TMEM232: variants seen among roughly 807,000 people sequenced by gnomAD.
TMEM232 encodes the protein transmembrane protein 232.
Under a neutral mutation model 78.8 loss-of-function variants are expected in TMEM232, and 80 were observed. The observed-to-expected ratio is 1.01, with a 90% CI of 0.85 to 1.22. TMEM232 has a LOEUF of 1.22. TMEM232 is among the 50% of genes most tolerant of loss of function. The probability of loss-of-function intolerance (pLI) is 0.00; values close to 1 mark genes in which losing one functional copy is unlikely to be tolerated. For synonymous variants in TMEM232, 297 were observed against 254.3 expected (o/e 1.17, Z -1.60); for missense variants, 881 against 742.2 (o/e 1.19, Z -2.17).
At chr5:110,736,015 G>C (rs921402512) in intron 1 of TMEM232, among the ~76,000 whole-genome samples, 1 of 152,136 alleles carries the variant, frequency 6.6e-6, no homozygotes, top group African/African-American at 2.4e-5. Flanking sequence ...GAAACTATGA[G>C]ATATTAAATG....
intron 11 of TMEM232, among the ~76,000 whole-genome samples, chr5:110,537,176 T>C (rs747278677): frequency 2.0e-5 from 3 of 152,074 alleles, no homozygotes; most frequent in Non-Finnish European, 2.9e-5. Flanking sequence ...TTCCACCTGA[T>C]TCCACTATGG....
chr5:110,703,722 G>C (rs148136025), intron 1 of TMEM232, among the ~76,000 whole-genome samples: 2 of 152,078 alleles, frequency 1.3e-5, no homozygotes, highest in Non-Finnish European at 2.9e-5. Context: ...AAATTACACA[G>C]TGATAGGAAA....
intron 8 of TMEM232, among the ~76,000 whole-genome samples, chr5:110,617,721 C>T (rs112146595): frequency 4.6e-5 from 7 of 151,966 alleles, no homozygotes; most frequent in East Asian, 1.9e-4. Context: ...TTTGGGAGGC[C>T]GAGGTAGGCA....
intron 12 of TMEM232, among the ~76,000 whole-genome samples, chr5:110,459,033 T>A (rs187924585): frequency 1.1e-4 from 16 of 152,296 alleles, no homozygotes; most frequent in Non-Finnish European, 1.8e-4. Context: ...GGGGATAACC[T>A]TCAGGCATCT....
intron 8 of TMEM232, among the ~76,000 whole-genome samples, chr5:110,616,126 C>T (rs561278598): frequency 6.6e-6 from 1 of 151,310 alleles, no homozygotes; most frequent in South Asian, 2.1e-4. Context: ...CAATCCTGAG[C>T]AAAAAGAAAA....
chr5:110,522,427 A>T (rs2149504127), intron 12 of TMEM232, among the ~76,000 whole-genome samples: 1 of 152,292 alleles, frequency 6.6e-6, no homozygotes, highest in South Asian at 2.1e-4. Flanking sequence ...TTGTCTAATT[A>T]TTCAAGCTAG....
chr5:110,478,756 A>G (rs1477851867), intron 12 of TMEM232, among the ~76,000 whole-genome samples: 5 of 151,816 alleles, frequency 3.3e-5, no homozygotes, highest in Admixed American at 6.6e-5. Context: ...TGAGCTTTTA[A>G]GGTGCCAATG....
chr5:110,677,808 A>C (rs945446802), intron 1 of TMEM232, among the ~76,000 whole-genome samples: 1 of 152,148 alleles, frequency 6.6e-6, no homozygotes, highest in African/African-American at 2.4e-5. Context: ...TATTTGAAAA[A>C]AATTTCTTCT....
chr5:110,703,143 A>AGTTAAAC, intron 1 of TMEM232, among the ~76,000 whole-genome samples: 1 of 152,122 alleles, frequency 6.6e-6, no homozygotes, highest in East Asian at 1.9e-4. Flanking sequence ...TGAAACTACA[A>AGTTAAAC]AGGTAGCTAT....
At chr5:110,612,043 T>C (rs999749026) in intron 8 of TMEM232, among the ~76,000 whole-genome samples, 1 of 152,158 alleles carries the variant, frequency 6.6e-6, no homozygotes, top group African/African-American at 2.4e-5. Flanking sequence ...GAAAAATTAG[T>C]TCAAATATGA....
rs1236791296 is a variant in TMEM232 at position 110,493,078 on chromosome 5, AAAC to A, written c.1703+35507_1703+35509del. Among the ~76,000 whole-genome samples, 5 of 152,094 alleles carry A rather than the reference AAAC, an allele frequency of 3.3e-5. No individual in the cohort carries two copies. The South Asian group carries it at 8.3e-4, about 25-fold the overall frequency. ...TAAATTTTTTATAATGACAATTTGT[AAAC>A]AACAACAACAAAACACCCATACAAG... On this transcript the variant is annotated intron_variant, in intron 12 of 13. Coordinates refer to ENST00000455884, the MANE Select transcript of TMEM232 (RefSeq NM_001039763.4).
intron 10 of TMEM232, among the ~76,000 whole-genome samples, chr5:110,573,072 A>T (rs1777149498): frequency 6.6e-6 from 1 of 152,098 alleles, no homozygotes; most frequent in African/African-American, 2.4e-5. Flanking sequence ...TAGGATATAA[A>T]AAAGCCAAAC....
chr5:110,706,079 T>C (rs757539179), intron 1 of TMEM232, among the ~76,000 whole-genome samples: 1 of 152,054 alleles, frequency 6.6e-6, no homozygotes, highest in Non-Finnish European at 1.5e-5. Context: ...ATAACACTTA[T>C]AATAATGAAG....
At chr5:110,457,186 A>G (rs1761000219) in intron 12 of TMEM232, among the ~76,000 whole-genome samples, 1 of 152,130 alleles carries the variant, frequency 6.6e-6, no homozygotes, top group Admixed American at 6.5e-5. Flanking sequence ...CTTAATAAAA[A>G]GCTAGATAAA....
intron 1 of TMEM232, among the ~76,000 whole-genome samples, chr5:110,694,392 T>G (rs761489020): frequency 5.9e-5 from 9 of 152,224 alleles, no homozygotes; most frequent in Non-Finnish European, 1.3e-4. Flanking sequence ...AGAAACTGCA[T>G]CAACTAACGA....
At chr5:110,532,258 G>A (rs1003027679) in intron 11 of TMEM232, among the ~76,000 whole-genome samples, 1 of 151,792 alleles carries the variant, frequency 6.6e-6, no homozygotes, top group African/African-American at 2.4e-5. Context: ...TGGAACTCTG[G>A]CCCAAGGCTC....
At chr5:110,415,250 C>T (rs1041674156), downstream of TMEM232, among the ~76,000 whole-genome samples, 10 of 150,906 alleles carry the variant, frequency 6.6e-5, no homozygotes, top group East Asian at 1.2e-3. Flanking sequence ...TGCAGTGGTG[C>T]GATCTCGGTT....
At chr5:110,600,119 A>G (rs1780702716) in intron 10 of TMEM232, among the ~76,000 whole-genome samples, 1 of 152,196 alleles carries the variant, frequency 6.6e-6, no homozygotes, top group Non-Finnish European at 1.5e-5. Context: ...ACCAGTGACA[A>G]CAAAGGAACA....
intron 12 of TMEM232, among the ~76,000 whole-genome samples, chr5:110,518,286 G>C (rs959423785): frequency 6.6e-6 from 1 of 150,960 alleles, no homozygotes; most frequent in Non-Finnish European, 1.5e-5. Flanking sequence ...TATTTTTCCA[G>C]TTTATTTTTT....
Sources: gnomAD v4.1 joint callset for allele counts (sites outside exome capture counted in the v4.1 genomes callset) on GRCh38, gnomAD v4.1.1 for gene constraint, MANE v1.5 for transcripts, NCBI Gene and HGNC (gene_info 2026-07-23, HGNC 2026-07-21) for gene names.